Variants in SPEN observed in about 807,000 individuals in gnomAD.
The protein encoded by SPEN is msx2-interacting protein.
SPEN carries 18 observed loss-of-function variants against 269.9 expected under a neutral mutation model. The observed-to-expected ratio is 0.07, with a 90% CI of 0.05 to 0.10. The LOEUF is 0.10. Ranked by LOEUF, SPEN falls within the 10% of genes least tolerant of loss-of-function variation. The pLI, the probability that SPEN is intolerant of heterozygous loss-of-function variation, is 1.00. For synonymous variants in SPEN, 1,726 were observed against 1,765.7 expected, an observed-to-expected ratio of 0.98 and a Z score of 0.56; for missense variants, 3,822 against 4,631.2, an observed-to-expected ratio of 0.83 and a Z score of 5.07.
intron 1 of SPEN, among the ~76,000 whole-genome samples, chr1:15,866,853 T>C (rs2070517386): frequency 6.6e-6 from 1 of 152,194 alleles, no homozygotes; most frequent in Non-Finnish European, 1.5e-5. Context: ...TGCCTATTTA[T>C]AGTAGGATGT....
rs984747307 is a variant in SPEN at position 15,868,685 on chromosome 1, T to C, written c.84-4131T>C. Among the ~76,000 whole-genome samples, 42 of 152,234 alleles carry C rather than the reference T, an allele frequency of 2.8e-4. 2 individuals are homozygous for C. The highest frequency in any genetic ancestry group is 5.7e-4 in the Non-Finnish European group (39 of 68,014). On this transcript the variant is annotated intron_variant, in intron 1 of 14. Transcript: ENST00000375759. ...TCCTGACCTCGTGATCCGCCTGCCT[T>C]GGCCTCCCAAAGTGCTGGGATTACA... is the stretch of plus-strand genomic sequence containing the variant.
chr1:15,910,452 T>G (rs2071001950), intron 4 of SPEN, among the ~76,000 whole-genome samples: 1 of 152,116 alleles, frequency 6.6e-6, no homozygotes, highest in African/African-American at 2.4e-5. Context: ...GCCTTTCCAT[T>G]TCAAGTCTTT....
In SPEN at chr1:15,934,250, C is replaced by T. The variant is rs1332651257; in HGVS notation, c.8010C>T (p.Gly2670=). 1 of 1,614,244 alleles carries T rather than the reference C, an allele frequency of 6.2e-7. No homozygotes were observed. Among genetic ancestry groups the T allele is most frequent in the Non-Finnish European group, 8.5e-7 (1 of 1,180,044 alleles). Residue 2670 remains glycine (G), a synonymous_variant, in exon 11 of 15, where the codon GGC becomes GGT. Transcript: ENST00000375759. This position sits in a 1 kb window ranked among gnomAD's most constrained non-coding sequence, Gnocchi z 9.2. ...VSLVPVNALK[G]PVKGSVTTLK... ...TGGTCCCGGTGAATGCCCTGAAAGG[C>T]CCCGTGAAGGGCTCAGTGACCACAC...
In SPEN at chr1:15,929,990, A is replaced by G. The variant is rs892898617; in HGVS notation, c.3750A>G (p.Gln1250=). The change falls in exon 11 of 15, where the codon CAA becomes CAG. Residue 1250 remains glutamine (Q), a synonymous_variant. Coordinates refer to ENST00000375759, the MANE Select transcript of SPEN (RefSeq NM_015001.3). The surrounding 1 kb of genome is among the most constrained non-coding windows in gnomAD (Gnocchi z 5.8). The part of the protein sequence containing the change: ...KRERNYRSSR[Q]ISEDSERTGG... ...AACGGAATTACAGAAGTTCACGCCA[A>G]ATCAGCGAAGATTCTGAAAGGACTG... is the stretch of plus-strand genomic sequence containing the variant. 6.2e-7 allele frequency: 1 copy of G among 1,614,152 alleles called. No homozygotes were observed. The highest frequency in any genetic ancestry group is 8.5e-7 in the Non-Finnish European group (1 of 1,180,038).
chr1:15,866,052 A>G (rs1323168380), intron 1 of SPEN, among the ~76,000 whole-genome samples: 1 of 152,058 alleles, frequency 6.6e-6, no homozygotes, highest in Non-Finnish European at 1.5e-5. Context: ...ATATCATGCC[A>G]GTTCCAAAAT....
rs1268443840 is a variant in SPEN, at chr1:15,929,425, G to A, written c.3185G>A (p.Ser1062Asn). ...IKLDRLNTVASPKDCQELASI... is the reference protein window; with the variant it reads ...IKLDRLNTVANPKDCQELASI... ...CTGGACAGACTTAATACTGTTGCCA[G>A]CCCCAAAGACTGTCAGGAGCTTGCC... Residue 1062 changes from serine (S) to asparagine (N), a missense_variant, in exon 11 of 15, where the codon AGC (serine) becomes AAC (asparagine). This residue lies in a region of SPEN where 572 missense variants were observed against 582.6 expected (regional missense o/e 0.98). Transcript: ENST00000375759. The surrounding 1 kb of genome is among the most constrained non-coding windows in gnomAD (Gnocchi z 5.8). The A allele has an allele frequency of 1.2e-6, 2 of 1,613,800 alleles. No homozygotes were observed. Among genetic ancestry groups the A allele is most frequent in the Non-Finnish European group, 1.7e-6 (2 of 1,179,910 alleles).
chr1:15,915,557 G>A (rs1308856405), intron 5 of SPEN, among the ~76,000 whole-genome samples: 1 of 152,078 alleles, frequency 6.6e-6, no homozygotes, highest in Non-Finnish European at 1.5e-5. Flanking sequence ...TTTGAGACAG[G>A]TTCTCTCACT....
intron 1 of SPEN, among the ~76,000 whole-genome samples, chr1:15,865,304 C>T (rs996514771): frequency 3.3e-5 from 5 of 151,032 alleles, no homozygotes; most frequent in Non-Finnish European, 7.4e-5. Flanking sequence ...CTGCCGGCCT[C>T]GGCCTCCCAG....
In SPEN at chr1:15,928,846, A is replaced by G; in HGVS notation, c.2606A>G (p.Lys869Arg). 7 of 1,614,154 alleles carry G rather than the reference A, an allele frequency of 4.3e-6. No individual in the cohort carries two copies. The highest frequency in any genetic ancestry group is 4.2e-6 in the Non-Finnish European group (5 of 1,179,994). ...AAAGCTGACAAAGAGGGAATAGCGA[A>G]AAACCGCCTGGAACTCATGCCTTGC... ...REKADKEGIA[K>R]NRLELMPCVV... The change falls in exon 11 of 15, where the codon AAA becomes AGA. Residue 869 changes from lysine (K) to arginine (R), a missense_variant. Around this residue, in one of 16 missense-constraint regions of SPEN, gnomAD observed 572 missense variants for 582.6 expected, o/e 0.98. Coordinates refer to ENST00000375759, the MANE Select transcript of SPEN (RefSeq NM_015001.3). The surrounding 1 kb of genome is among the most constrained non-coding windows in gnomAD (Gnocchi z 5.7).
In SPEN at chr1:15,932,886, G is replaced by A; in HGVS notation, c.6646G>A (p.Ala2216Thr). 6.2e-7 allele frequency: 1 copy of A among 1,614,232 alleles called. No homozygotes were observed. The highest frequency in any genetic ancestry group is 8.5e-7 in the Non-Finnish European group (1 of 1,180,044). ...PAHQASETEL[A>T]AAIGSIINDI... The stretch of plus-strand genomic sequence containing the variant: ...ACACCAAGCAAGTGAAACAGAGCTG[G>A]CTGCGGCCATCGGCTCCATCATCAA... The change falls in exon 11 of 15, where the codon GCT becomes ACT. Residue 2216 changes from alanine (A) to threonine (T), a missense_variant. Physicochemically the swap from Ala to Thr is moderately conservative, Grantham distance 58 (BLOSUM62 0). Transcript: ENST00000375759. The surrounding 1 kb of genome is among the most constrained non-coding windows in gnomAD (Gnocchi z 4.2).
intron 6 of SPEN, among the ~76,000 whole-genome samples, chr1:15,917,421 C>T (rs546725985): frequency 6.6e-6 from 1 of 152,228 alleles, no homozygotes; most frequent in Non-Finnish European, 1.5e-5. Context: ...CAGAGTTTCA[C>T]TCTTGTCACC....
rs1557762107 is a variant in SPEN at position 15,934,613 on chromosome 1, T to C, written c.8373T>C (p.Pro2791=). 6.2e-7 allele frequency: 1 copy of C among 1,613,822 alleles called. No individual in the cohort carries two copies. Among genetic ancestry groups the C allele is most frequent in the Non-Finnish European group, 8.5e-7 (1 of 1,179,768 alleles). The change falls in exon 11 of 15, where the codon CCT becomes CCC. Residue 2791 remains proline (P), a synonymous_variant. Coordinates refer to ENST00000375759, the MANE Select transcript of SPEN (RefSeq NM_015001.3). The surrounding 1 kb of genome is among the most constrained non-coding windows in gnomAD (Gnocchi z 9.2). ...GTCGGTTCCACCCAGGGTCCATGCC[T>C]GTGATCGACGATCGTCCGGCAGACG... The part of the protein sequence containing the change: ...ENSRFHPGSM[P]VIDDRPADAG...
intron 1 of SPEN, among the ~76,000 whole-genome samples, chr1:15,853,912 G>A (rs139816220): frequency 0.019 from 2,820 of 152,076 alleles, 41 homozygotes; most frequent in Middle Eastern, 0.045. Context: ...TGATTTGTGC[G>A]CCTCGGCCTC....
At chr1:15,899,043 A>G (rs969595103) in intron 3 of SPEN, among the ~76,000 whole-genome samples, 1 of 152,108 alleles carries the variant, frequency 6.6e-6, no homozygotes, top group Non-Finnish European at 1.5e-5. Flanking sequence ...TCTTGGGTAT[A>G]TAACCATAGT....
At chr1:15,918,578 A>T (rs185760564) in intron 6 of SPEN, among the ~76,000 whole-genome samples, 114 of 152,328 alleles carry the variant, frequency 7.5e-4, no homozygotes, top group African/African-American at 2.6e-3. Flanking sequence ...GCAGAAGGGA[A>T]TTATTTCTTA....
intron 1 of SPEN, among the ~76,000 whole-genome samples, chr1:15,866,496 GGC>G (rs1383018594): frequency 1.3e-5 from 2 of 152,104 alleles, no homozygotes; most frequent in Non-Finnish European, 1.5e-5. Flanking sequence ...TGGGACTACA[GGC>G]GCCTGCCACC....
At position 15,934,877 on chromosome 1, in the gene SPEN, C is replaced by T. The variant is rs41269149; in HGVS notation, c.8637C>T (p.Asn2879=). 2.1e-4 allele frequency: 336 copies of T among 1,614,164 alleles called. 1 individual carries two copies. The highest frequency in any genetic ancestry group is 1.0e-3 in the South Asian group (93 of 91,088). ...KGPQAPAGYA[N]VATHSTLVLT... Reference sequence around the variant, plus strand: ...CTCAAGCTCCTGCAGGCTATGCGAACGTGGCCACCCATTCCACGTTGGTAC... The same window carrying T: ...CTCAAGCTCCTGCAGGCTATGCGAATGTGGCCACCCATTCCACGTTGGTAC... The change falls in exon 11 of 15, where the codon AAC becomes AAT. Residue 2879 remains asparagine, a synonymous_variant. Coordinates refer to ENST00000375759, the MANE Select transcript of SPEN (RefSeq NM_015001.3). This position sits in a 1 kb window ranked among gnomAD's most constrained non-coding sequence, Gnocchi z 9.2.
chr1:15,859,306 C>T (rs2070417895), intron 1 of SPEN, among the ~76,000 whole-genome samples: 1 of 150,970 alleles, frequency 6.6e-6, no homozygotes, highest in Non-Finnish European at 1.5e-5. Flanking sequence ...CAGGTATGTG[C>T]CACTGCACTC....
intron 3 of SPEN, among the ~76,000 whole-genome samples, chr1:15,877,039 TTTGA>T (rs1448435705): frequency 6.6e-6 from 1 of 152,208 alleles, no homozygotes; most frequent in Non-Finnish European, 1.5e-5. Context: ...TTTCTATTAT[TTTGA>T]TTGAAGATTT....
Sources: allele counts gnomAD v4.1 joint callset (sites outside exome capture counted in the v4.1 genomes callset), GRCh38; gene constraint gnomAD v4.1.1; regional missense constraint gnomAD v4.1.1; non-coding constraint Gnocchi (gnomAD v3.1); transcripts MANE v1.5; gene names NCBI Gene and HGNC (gene_info 2026-07-23, HGNC 2026-07-21).